The following SRL variants were observed in gnomAD, a reference collection of about 807,000 sequenced individuals.
The protein encoded by SRL is sarcalumenin.
SRL carries 23 observed loss-of-function variants against 39.5 expected under a neutral mutation model. The ratio of observed to expected loss-of-function variants is 0.58; its 90% CI spans 0.42 to 0.82. The LOEUF is 0.82. Ranked by LOEUF, SRL falls within the 40% of genes least tolerant of loss-of-function variation. SRL has a pLI of 0.00. For synonymous variants in SRL, 272 were observed against 237.4 expected, an observed-to-expected ratio of 1.15 and a Z score of -1.34; for missense variants, 592 against 607.8, an observed-to-expected ratio of 0.97 and a Z score of 0.27.
rs1415133966 is a variant in SRL, at chr16:4,191,922, CA to C, written c.*230del. 2.1e-6 allele frequency: 1 copy of C among 466,630 alleles called. No homozygotes were observed. Among genetic ancestry groups the C allele is most frequent in the African/African-American group, 2.0e-5 (1 of 50,478 alleles). 28.9% of individuals were successfully genotyped at this position (466,630 alleles called of 1,614,324 possible). Reference sequence around the variant, plus strand: ...AAAGCAGGTGGAGGCTGACTTGCCTCAATCAGGCCTCCTCATTGAAGCAACA... The same window carrying C: ...AAAGCAGGTGGAGGCTGACTTGCCTCATCAGGCCTCCTCATTGAAGCAACA... On this transcript the variant is annotated 3_prime_UTR_variant, in exon 6 of 6. Transcript: ENST00000399609.
At chr16:4,235,690 G>C (rs2052706904) in intron 1 of SRL, among the ~76,000 whole-genome samples, 1 of 152,052 alleles carries the variant, frequency 6.6e-6, no homozygotes, top group South Asian at 2.1e-4. Context: ...GACTAAGTGA[G>C]ACCTTATCTC....
At chr16:4,231,262 G>T (rs1021864064) in intron 1 of SRL, among the ~76,000 whole-genome samples, 1 of 152,196 alleles carries the variant, frequency 6.6e-6, no homozygotes, top group Non-Finnish European at 1.5e-5. Flanking sequence ...ATTGCAGTGA[G>T]CAGAGATTGC....
chr16:4,197,656 G>A, intron 4 of SRL, 143 bp downstream of exon 4: 1 of 672,492 alleles, frequency 1.5e-6, no homozygotes, highest in Non-Finnish European at 2.7e-6. Flanking sequence ...CAAACTGACG[G>A]CCTCAAGTGA....
chr16:4,196,998 A>G (rs1454766168), intron 4 of SRL, among the ~76,000 whole-genome samples: 1 of 151,058 alleles, frequency 6.6e-6, no homozygotes, highest in East Asian at 1.9e-4. Flanking sequence ...GCTATTGTGA[A>G]TAATGCTGCT....
At chr16:4,194,277 C>T (rs1380306008) in intron 5 of SRL, among the ~76,000 whole-genome samples, 1 of 152,208 alleles carries the variant, frequency 6.6e-6, no homozygotes, top group African/African-American at 2.4e-5. Context: ...TTCATCTTCC[C>T]AAATTGAAAA....
In SRL at chr16:4,220,284, C is replaced by A. The variant is rs113430506; in HGVS notation, c.62-15650G>T. ...GAAAATCTGTCTCTACTAAAACACACACACACACACACACACACACACACA... is the reference window on the plus strand; with the variant it reads ...GAAAATCTGTCTCTACTAAAACACAAACACACACACACACACACACACACA... On this transcript the variant is annotated intron_variant, in intron 1 of 5. Coordinates refer to ENST00000399609, the MANE Select transcript of SRL (RefSeq NM_001098814.2). Among the ~76,000 whole-genome samples the A allele has an allele frequency of 9.6e-4, 143 of 148,192 alleles. 1 individual carries two copies. The highest frequency in any genetic ancestry group is 3.3e-3 in the African/African-American group (127 of 38,306).
chr16:4,240,282 G>A (rs774809396), intron 1 of SRL, among the ~76,000 whole-genome samples: 13 of 152,254 alleles, frequency 8.5e-5, no homozygotes, highest in South Asian at 2.1e-4. Flanking sequence ...GGTATTTACC[G>A]GGGTGGCACA....
rs546591477 is a variant in SRL, at chr16:4,222,472, G to C, written c.62-17838C>G. 2.0e-4 allele frequency among the ~76,000 whole-genome samples: 30 copies of C among 152,208 alleles called. No homozygotes were observed. The Middle Eastern group carries it at 0.017, about 86-fold the overall frequency. ...GTATTTTTGGTAGATACGGGGTTTT[G>C]CCATGTTGCCCAGGCTGGTCTTGAA... On this transcript the variant is annotated intron_variant, in intron 1 of 5. Coordinates refer to ENST00000399609, the MANE Select transcript of SRL (RefSeq NM_001098814.2).
chr16:4,197,707 T>C, intron 4 of SRL, 92 bp downstream of exon 4: 2 of 957,372 alleles, frequency 2.1e-6, no homozygotes, highest in South Asian at 2.7e-5. Flanking sequence ...ATTACAGGCA[T>C]GAGTCATAAT....
chr16:4,210,905 G>A lies in SRL; in HGVS notation c.62-6271C>T, dbSNP rs545374367. ...TTCAGAGCCACAGTATCCCCCGGGAGCCTGTTAGAGACGCAGACTTTTAAG... is the reference window on the plus strand; with the variant it reads ...TTCAGAGCCACAGTATCCCCCGGGAACCTGTTAGAGACGCAGACTTTTAAG... On this transcript the variant is annotated intron_variant, in intron 1 of 5. Coordinates refer to ENST00000399609, the MANE Select transcript of SRL (RefSeq NM_001098814.2). Among the ~76,000 whole-genome samples, 5 of 152,272 alleles carry A rather than the reference G, an allele frequency of 3.3e-5. No individual in the cohort carries two copies. In the East Asian group the frequency reaches 9.7e-4, roughly 29 times the overall value.
At position 4,192,998 on chromosome 16, in the gene SRL, T is replaced by C. The variant is rs777037138; in HGVS notation, c.611-34A>G. Reference sequence around the variant, plus strand: ...GACAGAAGTGAGAAGTCAAACTGAGTAGGCCTCCCTCAAAGCCCGCGCACC... The same window carrying C: ...GACAGAAGTGAGAAGTCAAACTGAGCAGGCCTCCCTCAAAGCCCGCGCACC... On this transcript the variant is annotated intron_variant, in intron 5 of 5. Transcript: ENST00000399609. This position sits in a 1 kb window ranked among gnomAD's most constrained non-coding sequence, Gnocchi z 4.0. 3.8e-6 allele frequency: 6 copies of C among 1,571,816 alleles called. No homozygotes were observed. Among genetic ancestry groups the C allele is most frequent in the South Asian group, 1.1e-5 (1 of 87,596 alleles).
chr16:4,231,043 C>G (rs150834746), intron 1 of SRL, among the ~76,000 whole-genome samples: 5 of 152,282 alleles, frequency 3.3e-5, no homozygotes, highest in East Asian at 1.9e-4. Context: ...TTTGGCCAGG[C>G]ACTGTGGCTC....
At chr16:4,233,728 C>G (rs2052683492) in intron 1 of SRL, among the ~76,000 whole-genome samples, 2 of 152,182 alleles carry the variant, frequency 1.3e-5, no homozygotes, top group South Asian at 4.2e-4. Flanking sequence ...GAGGGACCCA[C>G]AGCTGCCTTA....
intron 4 of SRL, among the ~76,000 whole-genome samples, chr16:4,196,063 C>T (rs770014826): frequency 3.9e-5 from 6 of 152,034 alleles, no homozygotes; most frequent in African/African-American, 1.2e-4. Context: ...CAGGTTCAAG[C>T]GATTCTCCCA....
intron 1 of SRL, among the ~76,000 whole-genome samples, chr16:4,210,516 G>A (rs1316522595): frequency 2.7e-5 from 3 of 111,178 alleles, no homozygotes. Context: ...TTGAGACAAG[G>A]TCTCACTCTG....
chr16:4,236,133 C>G (rs899900220), intron 1 of SRL, among the ~76,000 whole-genome samples: 2 of 152,176 alleles, frequency 1.3e-5, no homozygotes, highest in African/African-American at 4.8e-5. Flanking sequence ...GTAAACCCAT[C>G]TGCTTTTAAG....
At chr16:4,221,269 G>A (rs1036799439) in intron 1 of SRL, among the ~76,000 whole-genome samples, 64 of 152,038 alleles carry the variant, frequency 4.2e-4, no homozygotes, top group African/African-American at 1.5e-3. Context: ...GGATGGTCTC[G>A]ATCTCCTGAC....
intron 1 of SRL, among the ~76,000 whole-genome samples, chr16:4,240,161 A>C (rs1363180296): frequency 6.6e-6 from 1 of 152,188 alleles, no homozygotes; most frequent in Non-Finnish European, 1.5e-5. Flanking sequence ...GTGAGCGAGA[A>C]TATCTGCCGC....
intron 1 of SRL, 66 bp downstream of exon 1, chr16:4,241,941 G>C: frequency 1.3e-6 from 2 of 1,581,038 alleles, no homozygotes; most frequent in South Asian, 2.2e-5. Flanking sequence ...ACCCATGGTA[G>C]ACAGAAAACC....
Sources: allele counts gnomAD v4.1 joint callset (sites outside exome capture counted in the v4.1 genomes callset), GRCh38; gene constraint gnomAD v4.1.1; non-coding constraint Gnocchi (gnomAD v3.1); transcripts MANE v1.5; gene names NCBI Gene and HGNC (gene_info 2026-07-23, HGNC 2026-07-21).